YBEY: variants seen among roughly 807,000 people sequenced by gnomAD.
YBEY encodes ybeY metalloendoribonuclease.
In YBEY, 15 loss-of-function variants were observed where a neutral mutation model predicts 13.5. The observed-to-expected ratio is 1.11, with a 90% CI of 0.75 to 1.72. YBEY has a LOEUF of 1.72. YBEY is among the 40% of genes most tolerant of loss of function. YBEY has a pLI of 0.00. For synonymous variants in YBEY, 101 were observed against 83.1 expected (o/e 1.21, Z -1.17); for missense variants, 244 against 208.4 (o/e 1.17, Z -1.05).
the YBEY span, among the ~76,000 whole-genome samples, chr21:46,303,743 ATATTTTTTTTTT>A: frequency 7.2e-3 from 140 of 19,568 alleles, 1 homozygote; most frequent in Non-Finnish European, 0.012. Flanking sequence ...ATATATATAT[ATATTTTTTTTTT>A]TTTTTTTTTT....
At chr21:46,296,507 A>G (rs1054439927) in intron 4 of YBEY, among the ~76,000 whole-genome samples, 14 of 152,202 alleles carry the variant, frequency 9.2e-5, no homozygotes, top group Admixed American at 9.2e-4. Flanking sequence ...CCAATCAGCT[A>G]GAGACTAGGC....
At chr21:46,309,343 T>C in the YBEY span, among the ~76,000 whole-genome samples, 39 of 151,758 alleles carry the variant, frequency 2.6e-4, no homozygotes, top group Middle Eastern at 6.8e-3. Flanking sequence ...GCGCCTGTAA[T>C]CCCAGCTACT....
the YBEY span, chr21:46,312,858 A>C: frequency 2.8e-6 from 1 of 354,056 alleles, no homozygotes; most frequent in Non-Finnish European, 4.0e-6. Flanking sequence ...CCCCATAACA[A>C]CTTGGTTAAT....
At chr21:46,305,290 G>C in the YBEY span, among the ~76,000 whole-genome samples, 1 of 138,860 alleles carries the variant, frequency 7.2e-6, no homozygotes, top group Non-Finnish European at 1.6e-5. Context: ...CAATGGTAAA[G>C]TTACATGGTT....
the YBEY span, among the ~76,000 whole-genome samples, chr21:46,302,788 G>A: frequency 1.2e-5 from 1 of 80,722 alleles, no homozygotes; most frequent in African/African-American, 5.1e-5. Flanking sequence ...CGCGCCCTGA[G>A]CCCGTCTGCA....
At chr21:46,307,907 G>A in the YBEY span, among the ~76,000 whole-genome samples, 3 of 152,284 alleles carry the variant, frequency 2.0e-5, no homozygotes, top group South Asian at 6.2e-4. Flanking sequence ...CATACCACAT[G>A]TTGCCAAGGT....
At chr21:46,297,479 C>G in intron 4 of YBEY, 60 bp from the exon 5 acceptor site, 3 of 1,318,800 alleles carry the variant, frequency 2.3e-6, no homozygotes, top group Non-Finnish European at 2.9e-6. Context: ...GGAGGCGACC[C>G]CAGAGAGTGG....
the YBEY span, among the ~76,000 whole-genome samples, chr21:46,303,092 A>T: frequency 3.3e-5 from 5 of 152,200 alleles, no homozygotes; most frequent in African/African-American, 1.2e-4. Flanking sequence ...TGAACTCAAG[A>T]GGCAGAGCTT....
chr21:46,308,289 C>T, the YBEY span, among the ~76,000 whole-genome samples: 7 of 152,158 alleles, frequency 4.6e-5, no homozygotes, highest in African/African-American at 9.6e-5. Flanking sequence ...GGAGAAACCC[C>T]GTCTCTACTA....
chr21:46,298,102 C>T (rs2082009844), downstream of YBEY, among the ~76,000 whole-genome samples: 1 of 152,260 alleles, frequency 6.6e-6, no homozygotes, highest in Admixed American at 6.5e-5. Context: ...CGGGGCCTCC[C>T]GGCCACGGAC....
the YBEY span, among the ~76,000 whole-genome samples, chr21:46,303,725 ATATATATATATATATATATATTT>A: frequency 1.5e-4 from 4 of 26,216 alleles, 1 homozygote; most frequent in South Asian, 5.1e-3. Flanking sequence ...ATATATATAT[ATATATATATATATATATATATTT>A]TTTTTTTTTT....
chr21:46,288,228 G>T (rs1416082666), intron 2 of YBEY, among the ~76,000 whole-genome samples: 3 of 152,152 alleles, frequency 2.0e-5, no homozygotes, highest in African/African-American at 7.2e-5. Flanking sequence ...CAATGTAATA[G>T]CAGTCAGGTT....
Position 46,286,943 on chromosome 21 carries a change from A to T in YBEY, c.30A>T (p.Arg10=). The change falls in exon 2 of 5, where the codon CGA becomes CGT. Residue 10 remains arginine, a synonymous_variant. Transcript: ENST00000397701. ...GTTTGGTGATTAGAAATCTGCAGCG[A>T]GTCATCCCCATCAGGAGAGCGCCAC... MSLVIRNLQ[R]VIPIRRAPLR... The T allele has an allele frequency of 6.2e-7, 1 of 1,614,058 alleles. No individual in the cohort carries two copies.
downstream of YBEY, chr21:46,301,042 C>T (rs1432163093): frequency 4.8e-6 from 5 of 1,036,554 alleles, no homozygotes; most frequent in African/African-American, 5.0e-5. Flanking sequence ...GCTGTGCAAA[C>T]CAGCATGTAG....
At position 46,287,877 on chromosome 21, in the gene YBEY, A is replaced by AG. The variant is rs758531897; in HGVS notation, c.210+760dup. ...TGTGGTTGTGCCGGGCGGGAGGTGG[A>AG]GGGGGGCACCTATAATCCTAGCTAC... On this transcript the variant is annotated intron_variant, in intron 2 of 4. Transcript: ENST00000397701. Among the ~76,000 whole-genome samples the AG allele has an allele frequency of 2.0e-4, 30 of 152,004 alleles. No homozygotes were observed. In the East Asian group the frequency reaches 4.1e-3, roughly 21 times the overall value.
chr21:46,304,873 T>C, the YBEY span, among the ~76,000 whole-genome samples: 1 of 152,238 alleles, frequency 6.6e-6, no homozygotes, highest in Non-Finnish European at 1.5e-5. Flanking sequence ...ATCCATACAA[T>C]GGACTGTTAC....
chr21:46,294,968 C>G (rs903753494), intron 3 of YBEY, among the ~76,000 whole-genome samples: 2 of 152,142 alleles, frequency 1.3e-5, no homozygotes, highest in African/African-American at 4.8e-5. Flanking sequence ...ACTGCTCCCT[C>G]CAGACCTGGG....
intron 2 of YBEY, 132 bp from the exon 3 acceptor site, chr21:46,291,202 A>T: frequency 9.4e-7 from 1 of 1,062,104 alleles, no homozygotes. Flanking sequence ...CGTCTCAAAA[A>T]AAAAAAAAAA....
downstream of YBEY, chr21:46,302,061 G>T: frequency 6.5e-7 from 1 of 1,527,994 alleles, no homozygotes. Flanking sequence ...GCCCCAGGTG[G>T]CCACACAGCA....
Sources: allele counts gnomAD v4.1 joint callset (sites outside exome capture counted in the v4.1 genomes callset), GRCh38; gene constraint gnomAD v4.1.1; transcripts MANE v1.5; gene names NCBI Gene and HGNC (gene_info 2026-07-23, HGNC 2026-07-21).